The following DENND4C variants were observed in gnomAD, a reference collection of about 807,000 sequenced individuals.
DENND4C encodes the protein DENN domain-containing protein 4C.
In DENND4C, 108 loss-of-function variants were observed where a neutral mutation model predicts 203.0. The ratio of observed to expected loss-of-function variants is 0.53; its 90% CI spans 0.46 to 0.62. The LOEUF is 0.62. DENND4C is among the 20% of genes least tolerant of loss of function. DENND4C has a pLI of 0.00. For missense variants in DENND4C, 2,481 were observed against 2,301.2 expected, an observed-to-expected ratio of 1.08 and a Z score of -1.60; for synonymous variants, 871 against 792.4, an observed-to-expected ratio of 1.10 and a Z score of -1.67.
chr9:19,328,695 C>T (rs1173462807), intron 16 of DENND4C, among the ~76,000 whole-genome samples: 1 of 151,664 alleles, frequency 6.6e-6, no homozygotes, highest in Non-Finnish European at 1.5e-5. Flanking sequence ...ATCTATCTAT[C>T]TGTCTATCTA....
intron 1 of DENND4C, among the ~76,000 whole-genome samples, chr9:19,274,108 A>G (rs190820428): frequency 9.2e-5 from 14 of 152,200 alleles, no homozygotes; most frequent in South Asian, 6.2e-4. Flanking sequence ...AAGCAACAAC[A>G]TGGATTTATC....
At chr9:19,238,050 C>G (rs1020253313) in intron 1 of DENND4C, among the ~76,000 whole-genome samples, 1 of 151,684 alleles carries the variant, frequency 6.6e-6, no homozygotes, top group African/African-American at 2.4e-5. Flanking sequence ...CTAGGGAAGA[C>G]CCCTCCTTGA....
intron 28 of DENND4C, 33 bp from the exon 29 acceptor site, chr9:19,360,211 A>ATAAT: frequency 6.3e-7 from 1 of 1,597,780 alleles, no homozygotes; most frequent in East Asian, 2.2e-5. Context: ...ATTTAAACAG[A>ATAAT]TAATATTAAT....
At chr9:19,318,678 T>TG (rs1244794497) in intron 12 of DENND4C, among the ~76,000 whole-genome samples, 1 of 152,216 alleles carries the variant, frequency 6.6e-6, no homozygotes, top group East Asian at 1.9e-4. Flanking sequence ...CCTCTTCCCT[T>TG]GGCTTGTAGA....
rs368072464 is a variant in DENND4C, at chr9:19,372,123, A to C, written c.5827A>C (p.Ser1943Arg). 3.0e-5 allele frequency: 49 copies of C among 1,614,008 alleles called. No individual in the cohort carries two copies. The highest frequency in any genetic ancestry group is 4.1e-5 in the Non-Finnish European group (48 of 1,180,012). Residue 1943 changes from serine to arginine, a missense_variant, in exon 33 of 33, where the codon AGT becomes CGT. Around this residue, in one of 3 missense-constraint regions of DENND4C, gnomAD observed 2,289 missense variants for 2,113.3 expected, o/e 1.08. Coordinates refer to ENST00000434457, the MANE Select transcript of DENND4C (RefSeq NM_001330640.2). ...GTTGCAGAAAATTGATGCTCCACCAAGTGCCAGTGTCGAGTGGTGCAGGAA... is the reference window on the plus strand; with the variant it reads ...GTTGCAGAAAATTGATGCTCCACCACGTGCCAGTGTCGAGTGGTGCAGGAA... ...ERLQKIDAPP[S>R]ASVEWCRKCF...
intron 17 of DENND4C, among the ~76,000 whole-genome samples, chr9:19,334,132 A>G (rs1038423629): frequency 1.3e-5 from 2 of 151,714 alleles, no homozygotes; most frequent in South Asian, 4.1e-4. Context: ...ACAATCTCCG[A>G]CTCCCGGGTT....
At chr9:19,276,831 G>T (rs564239625) in intron 2 of DENND4C, among the ~76,000 whole-genome samples, 1 of 152,238 alleles carries the variant, frequency 6.6e-6, no homozygotes, top group African/African-American at 2.4e-5. Flanking sequence ...TCATTTTAAG[G>T]AGTTGCTTGG....
At chr9:19,257,734 G>A (rs1828340352) in intron 1 of DENND4C, among the ~76,000 whole-genome samples, 1 of 152,092 alleles carries the variant, frequency 6.6e-6, no homozygotes, top group Non-Finnish European at 1.5e-5. Context: ...GACACTAAAT[G>A]GATAGTAATA....
At chr9:19,330,185 A>G (rs1818748836) in intron 16 of DENND4C, among the ~76,000 whole-genome samples, 1 of 152,006 alleles carries the variant, frequency 6.6e-6, no homozygotes, top group Non-Finnish European at 1.5e-5. Context: ...CAGCCTCTAA[A>G]TCTCATTTAT....
intron 1 of DENND4C, among the ~76,000 whole-genome samples, chr9:19,264,725 T>C (rs1830133692): frequency 6.6e-6 from 1 of 152,186 alleles, no homozygotes; most frequent in African/African-American, 2.4e-5. Flanking sequence ...TTGTCCATTT[T>C]GTTTATCTTT....
intron 2 of DENND4C, among the ~76,000 whole-genome samples, chr9:19,285,877 G>T (rs1467672051): frequency 6.6e-6 from 1 of 152,000 alleles, no homozygotes; most frequent in Admixed American, 6.6e-5. Flanking sequence ...CAAATATAAG[G>T]GCTTAATTTT....
intron 6 of DENND4C, 32 bp from the exon 7 acceptor site, chr9:19,298,024 T>G: frequency 1.3e-6 from 2 of 1,505,200 alleles, no homozygotes; most frequent in Non-Finnish European, 1.8e-6. Flanking sequence ...AGAAAAGTAA[T>G]TATTATATTT....
intron 30 of DENND4C, 80 bp downstream of exon 30, chr9:19,362,043 G>A (rs1826602237): frequency 1.3e-6 from 1 of 787,440 alleles, no homozygotes; most frequent in Non-Finnish European, 2.1e-6. Context: ...GGAGGCCTAG[G>A]CTGGCGGACC....
chr9:19,323,408 C>T lies in DENND4C; in HGVS notation c.1808-954C>T, dbSNP rs556305511. Among the ~76,000 whole-genome samples, 21 of 146,282 alleles carry T rather than the reference C, an allele frequency of 1.4e-4. No homozygotes were observed. In the South Asian group the frequency reaches 4.1e-3, roughly 28 times the overall value. On this transcript the variant is annotated intron_variant, in intron 12 of 32. Coordinates refer to ENST00000434457, the MANE Select transcript of DENND4C (RefSeq NM_001330640.2). ...TCACATTACTGCACTCCAGCCTGGG[C>T]GACAGAGCTAGACTCTGTCTGGAAA...
At chr9:19,236,776 GC>G (rs2131370810) in intron 1 of DENND4C, among the ~76,000 whole-genome samples, 1 of 152,132 alleles carries the variant, frequency 6.6e-6, no homozygotes, top group Non-Finnish European at 1.5e-5. Flanking sequence ...TTATCTTCTT[GC>G]CCACTGTGTA....
chr9:19,239,588 G>A (rs760310442), intron 1 of DENND4C, among the ~76,000 whole-genome samples: 1 of 152,008 alleles, frequency 6.6e-6, no homozygotes, highest in South Asian at 2.1e-4. Flanking sequence ...CCAGATTCAA[G>A]CAGTTCTCCT....
intron 1 of DENND4C, among the ~76,000 whole-genome samples, chr9:19,267,014 C>CT (rs1228361227): frequency 6.6e-6 from 1 of 151,972 alleles, no homozygotes; most frequent in Admixed American, 6.6e-5. Context: ...AATTTTAAGA[C>CT]TTTTTGTGGC....
At chr9:19,309,782 G>A (rs1296103326) in intron 10 of DENND4C, among the ~76,000 whole-genome samples, 1 of 151,226 alleles carries the variant, frequency 6.6e-6, no homozygotes, top group Admixed American at 6.6e-5. Flanking sequence ...ATATTTATGG[G>A]GTGCAATGTG....
chr9:19,348,177 G>C (rs775515040), intron 23 of DENND4C, among the ~76,000 whole-genome samples: 5 of 152,150 alleles, frequency 3.3e-5, no homozygotes, highest in Non-Finnish European at 5.9e-5. Flanking sequence ...ACCCCATGAG[G>C]GTGGTACTGT....
Sources: allele counts gnomAD v4.1 joint callset (sites outside exome capture counted in the v4.1 genomes callset), GRCh38; gene constraint gnomAD v4.1.1; regional missense constraint gnomAD v4.1.1; transcripts MANE v1.5; gene names NCBI Gene and HGNC (gene_info 2026-07-23, HGNC 2026-07-21).